The following PARD3B variants were observed in gnomAD, a reference collection of about 807,000 sequenced individuals.
PARD3B encodes partitioning defective 3 homolog B.
A neutral mutation model predicts 130.2 loss-of-function variants in PARD3B; 103 were observed. The ratio of observed to expected loss-of-function variants is 0.79; its 90% CI spans 0.67 to 0.93. The LOEUF is 0.93. Among genes scored for constraint, PARD3B ranks in the 40% least tolerant of loss-of-function variants. The pLI, the probability that PARD3B is intolerant of heterozygous loss-of-function variation, is 0.00. For missense variants in PARD3B, 1,609 were observed against 1,499.2 expected, an observed-to-expected ratio of 1.07 and a Z score of -1.21; for synonymous variants, 583 against 553.2, an observed-to-expected ratio of 1.05 and a Z score of -0.76.
chr2:205,048,567 C>G (rs770024671), intron 4 of PARD3B: 2 of 152,170 alleles, frequency 1.3e-5, no homozygotes, highest in Non-Finnish European at 2.9e-5. Context: ...AAGACTCTTT[C>G]TCACTTTAAG....
At position 205,341,270 on chromosome 2, in the gene PARD3B, A is replaced by T. The variant is rs12989507; in HGVS notation, c.2630+39569A>T. On this transcript the variant is annotated intron_variant, in intron 18 of 22. Coordinates refer to ENST00000406610, the MANE Select transcript of PARD3B (RefSeq NM_001302769.2). The surrounding 1 kb of genome is among the most constrained non-coding windows in gnomAD (Gnocchi z 4.3). Reference sequence around the variant, plus strand: ...ATTTTTAAAGGAAAGGAGTCAGTATATCAAAGGGATACCTGCACCCGCATG... The same window carrying T: ...ATTTTTAAAGGAAAGGAGTCAGTATTTCAAAGGGATACCTGCACCCGCATG... Among the ~76,000 whole-genome samples the T allele has an allele frequency of 0.59, 90,311 of 151,898 alleles. 30,557 individuals are homozygous for T. The highest frequency in any genetic ancestry group is 0.77 in the South Asian group (3,689 of 4,800).
At chr2:205,102,096 C>T (rs748651366) in intron 4 of PARD3B, among the ~76,000 whole-genome samples, 18 of 152,084 alleles carry the variant, frequency 1.2e-4, no homozygotes, top group South Asian at 4.1e-4. Flanking sequence ...GCTGCAGCCC[C>T]GCAGACATGG....
chr2:204,690,597 G>T (rs2037310769), intron 2 of PARD3B, among the ~76,000 whole-genome samples: 1 of 151,968 alleles, frequency 6.6e-6, no homozygotes, highest in African/African-American at 2.4e-5. Flanking sequence ...GAATCAGTAA[G>T]GGAATGGATT....
In PARD3B at chr2:205,146,813, C is replaced by T. The variant is rs1036696262; in HGVS notation, c.1435-11909C>T. 1.7e-4 allele frequency among the ~76,000 whole-genome samples: 26 copies of T among 151,788 alleles called. No individual in the cohort carries two copies. Among genetic ancestry groups the T allele is most frequent in the Admixed American group, 1.4e-3 (22 of 15,234 alleles). ...AGCGATCTCAGCTCAGTGCATCCTT[C>T]GCCTCCCGGGTTGGAGCGATTCTCC... On this transcript the variant is annotated intron_variant, in intron 10 of 22. Coordinates refer to ENST00000406610, the MANE Select transcript of PARD3B (RefSeq NM_001302769.2). This position sits in a 1 kb window ranked among gnomAD's most constrained non-coding sequence, Gnocchi z 4.3.
intron 15 of PARD3B, among the ~76,000 whole-genome samples, chr2:205,210,066 T>C (rs6717591): frequency 0.62 from 93,415 of 151,594 alleles, 29,264 homozygotes; most frequent in East Asian, 0.91. Context: ...TAAAAAATTA[T>C]CTTAAGGGAT....
intron 21 of PARD3B, among the ~76,000 whole-genome samples, chr2:205,547,699 T>A (rs926604018): frequency 5.3e-5 from 8 of 152,204 alleles, no homozygotes; most frequent in Admixed American, 3.3e-4. Context: ...AAAGTTACAT[T>A]TCACTCCCCA....
Position 205,471,812 on chromosome 2 carries a change from C to T in PARD3B, c.3045-28084C>T, listed in dbSNP as rs141068047. 1.9e-3 allele frequency among the ~76,000 whole-genome samples: 293 copies of T among 152,262 alleles called. 2 individuals carry two copies. The highest frequency in any genetic ancestry group is 6.5e-3 in the African/African-American group (270 of 41,544). On this transcript the variant is annotated intron_variant, in intron 20 of 22. Transcript: ENST00000406610. ...CATGAAACTCTATTTTAATCAGGAC[C>T]GTCACAGATAATTTCTGCAATAACA... is the stretch of plus-strand genomic sequence containing the variant.
intron 16 of PARD3B, among the ~76,000 whole-genome samples, chr2:205,282,498 T>C (rs1381693688): frequency 2.0e-5 from 2 of 101,492 alleles, no homozygotes; most frequent in East Asian, 3.0e-4. Flanking sequence ...TGTATATATA[T>C]ATTTATGTGT....
intron 22 of PARD3B, among the ~76,000 whole-genome samples, chr2:205,565,552 G>A (rs1305783771): frequency 6.6e-6 from 1 of 152,136 alleles, no homozygotes. Context: ...CTGTGGGTCG[G>A]TTATAGACAA....
chr2:204,885,660 G>A (rs1415212464), intron 2 of PARD3B, among the ~76,000 whole-genome samples: 1 of 152,090 alleles, frequency 6.6e-6, no homozygotes, highest in East Asian at 1.9e-4. Flanking sequence ...GATATTGACT[G>A]TTAAAAAGGA....
At chr2:205,178,224 G>GC (rs1217570153) in intron 13 of PARD3B, among the ~76,000 whole-genome samples, 2 of 144,578 alleles carry the variant, frequency 1.4e-5, no homozygotes, top group East Asian at 3.9e-4. Context: ...GCTACTATGG[G>GC]GGGGGAAAAA....
intron 22 of PARD3B, among the ~76,000 whole-genome samples, chr2:205,608,201 A>C (rs1339515010): frequency 6.6e-6 from 1 of 152,150 alleles, no homozygotes; most frequent in Admixed American, 6.5e-5. Context: ...GTAACTGTGT[A>C]GTGGTTTTTC....
chr2:205,009,755 A>G (rs780583932), intron 3 of PARD3B, among the ~76,000 whole-genome samples: 6 of 152,068 alleles, frequency 3.9e-5, no homozygotes, highest in South Asian at 2.1e-4. Context: ...GGTTATTGTA[A>G]CATCTTTTTT....
chr2:204,955,400 T>A (rs1690147776), intron 2 of PARD3B, among the ~76,000 whole-genome samples: 2 of 152,244 alleles, frequency 1.3e-5, no homozygotes, highest in Admixed American at 6.5e-5. Context: ...TGGAAGCTAT[T>A]TTGCTGTGCA....
intron 22 of PARD3B, among the ~76,000 whole-genome samples, chr2:205,581,277 T>TAG (rs1184893536): frequency 7.5e-4 from 51 of 67,854 alleles, no homozygotes; most frequent in African/African-American, 1.2e-3. Flanking sequence ...GATAGATAGA[T>TAG]ATAGATATAT....
chr2:204,818,691 A>T (rs1205956353), intron 2 of PARD3B, among the ~76,000 whole-genome samples: 5 of 152,220 alleles, frequency 3.3e-5, no homozygotes, highest in Non-Finnish European at 7.3e-5. Flanking sequence ...ACTTGCCCTA[A>T]GAGAAATATC....
At chr2:205,201,711 C>G (rs1297742842) in intron 15 of PARD3B, among the ~76,000 whole-genome samples, 4 of 152,156 alleles carry the variant, frequency 2.6e-5, no homozygotes, top group Non-Finnish European at 5.9e-5. Context: ...GTGGCCCATG[C>G]CTGTAATCCC....
chr2:205,514,446 T>A, intron 21 of PARD3B, among the ~76,000 whole-genome samples: 1 of 152,158 alleles, frequency 6.6e-6, no homozygotes. Context: ...GTTTCACTTA[T>A]AAGAACCCAC....
rs115211676 is a variant in PARD3B, at chr2:204,897,806, G to A, written c.223-67346G>A. The stretch of plus-strand genomic sequence containing the variant: ...ATCATTGCTTTCTGCCTCTTAATCG[G>A]AATGTTGTGGTAGTCAATCAAGCAG... On this transcript the variant is annotated intron_variant, in intron 2 of 22. Transcript: ENST00000406610. Among the ~76,000 whole-genome samples the A allele has an allele frequency of 3.8e-3, 581 of 151,926 alleles. 5 individuals carry two copies. The highest frequency in any genetic ancestry group is 0.013 in the African/African-American group (541 of 41,444).
Sources: allele counts gnomAD v4.1 joint callset (sites outside exome capture counted in the v4.1 genomes callset), GRCh38; gene constraint gnomAD v4.1.1; non-coding constraint Gnocchi (gnomAD v3.1); transcripts MANE v1.5; gene names NCBI Gene and HGNC (gene_info 2026-07-23, HGNC 2026-07-21).